EMCN: variants seen among roughly 807,000 people sequenced by gnomAD.
EMCN encodes endomucin.
Under a neutral mutation model 38.4 loss-of-function variants are expected in EMCN, and 37 were observed. The observed-to-expected ratio is 0.96, with a 90% CI of 0.74 to 1.27. EMCN has a LOEUF of 1.27. EMCN is among the 50% of genes most tolerant of loss of function. The pLI, the probability that EMCN is intolerant of heterozygous loss-of-function variation, is 0.00. For synonymous variants in EMCN, 95 were observed against 100.8 expected, an observed-to-expected ratio of 0.94 and a Z score of 0.35; for missense variants, 318 against 302.8, an observed-to-expected ratio of 1.05 and a Z score of -0.37.
chr4:100,490,340 T>C (rs890897920), intron 1 of EMCN, among the ~76,000 whole-genome samples: 2 of 152,136 alleles, frequency 1.3e-5, no homozygotes, highest in Non-Finnish European at 2.9e-5. Context: ...GGTAAAAACA[T>C]TACCATAAGA....
rs555932279 is a variant in EMCN, at chr4:100,413,565, T to G, written c.751+2333A>C. ...GTGTTTGGGGAGCCACCAAGTTCTG[T>G]TAATGATAGACTTGAATAAAAATTG... On this transcript the variant is annotated intron_variant, in intron 10 of 11. Coordinates refer to ENST00000296420, the MANE Select transcript of EMCN (RefSeq NM_016242.4). Among the ~76,000 whole-genome samples, 13 of 152,274 alleles carry G rather than the reference T, an allele frequency of 8.5e-5. No homozygotes were observed. The East Asian group carries it at 2.3e-3, about 27-fold the overall frequency.
At chr4:100,442,664 T>G (rs1252539885) in intron 5 of EMCN, among the ~76,000 whole-genome samples, 1 of 152,236 alleles carries the variant, frequency 6.6e-6, no homozygotes, top group South Asian at 2.1e-4. Flanking sequence ...TGAAGTTCTC[T>G]AATAAATTTT....
At chr4:100,478,583 A>G (rs928135156) in intron 2 of EMCN, among the ~76,000 whole-genome samples, 1 of 152,170 alleles carries the variant, frequency 6.6e-6, no homozygotes, top group African/African-American at 2.4e-5. Context: ...GGAAATAAAA[A>G]GAAAAATGAA....
chr4:100,476,241 CTTTCCTTCCTTCCTTT>C (rs533068446), intron 2 of EMCN, among the ~76,000 whole-genome samples: 1,474 of 123,144 alleles, frequency 0.012, 8 homozygotes, highest in Middle Eastern at 0.026. Flanking sequence ...TTCCTTCTTT[CTTTCCTTCCTTCCTTT>C]TTTCCTTCCT....
In EMCN at chr4:100,395,737, A is replaced by T. The variant is rs553469657; in HGVS notation, c.*2676T>A. 2 of 152,302 alleles carry T rather than the reference A, an allele frequency of 1.3e-5. No individual in the cohort carries two copies. Among genetic ancestry groups the T allele is most frequent in the East Asian group, 3.9e-4 (2 of 5,172 alleles). The allele number at this position is 152,302 out of a possible 1,614,324, so 9.4% of individuals were successfully genotyped here. Reference sequence around the variant, plus strand: ...AAATATGGTAGGTAGAAAAGAAATAACACACAGATTTGTCAACCATATGTA... The same window carrying T: ...AAATATGGTAGGTAGAAAAGAAATATCACACAGATTTGTCAACCATATGTA... On this transcript the variant is annotated 3_prime_UTR_variant, in exon 12 of 12. Transcript: ENST00000296420.
At chr4:100,445,862 T>C (rs1301916138) in intron 5 of EMCN, among the ~76,000 whole-genome samples, 1 of 152,188 alleles carries the variant, frequency 6.6e-6, no homozygotes, top group Non-Finnish European at 1.5e-5. Flanking sequence ...TTCTAGTGGC[T>C]TATAGGACCA....
chr4:100,403,512 T>C (rs958301397), intron 11 of EMCN, among the ~76,000 whole-genome samples: 6 of 152,176 alleles, frequency 3.9e-5, no homozygotes, highest in African/African-American at 1.2e-4. Flanking sequence ...GTCTCTCTTA[T>C]TGTAAATAGT....
At chr4:100,404,241 G>C (rs552475261) in intron 11 of EMCN, among the ~76,000 whole-genome samples, 2 of 152,142 alleles carry the variant, frequency 1.3e-5, no homozygotes, top group South Asian at 4.1e-4. Flanking sequence ...TATGATAAAA[G>C]GTAAGGATCC....
At chr4:100,421,254 G>GAAAAC (rs757284385) in intron 8 of EMCN, 28 bp downstream of exon 8, 19 of 1,586,618 alleles carry the variant, frequency 1.2e-5, no homozygotes, top group South Asian at 1.0e-4. Context: ...CTTCTTTCAG[G>GAAAAC]AAAACAAAAC....
intron 5 of EMCN, among the ~76,000 whole-genome samples, chr4:100,431,225 A>C (rs750520819): frequency 6.6e-6 from 1 of 152,180 alleles, no homozygotes; most frequent in Non-Finnish European, 1.5e-5. Context: ...ACAGTTAAGG[A>C]AAGTAAAAAA....
chr4:100,415,924 G>A lies in EMCN; in HGVS notation c.725C>T (p.Thr242Ile). 6.3e-7 allele frequency: 1 copy of A among 1,588,482 alleles called. No individual in the cohort carries two copies. Among genetic ancestry groups the A allele is most frequent in the Non-Finnish European group, 8.5e-7 (1 of 1,170,234 alleles). Residue 242 changes from threonine (T) to isoleucine (I), a missense_variant, in exon 10 of 12, where the codon ACC becomes ATC. Coordinates refer to ENST00000296420, the MANE Select transcript of EMCN (RefSeq NM_016242.4). ...QSDKESVKLLTVKTISHESGE... is the reference protein window; with the variant it reads ...QSDKESVKLLIVKTISHESGE... ...AGACTCATGAGAAATTGTCTTAACG[G>A]TAAGAAGCTTCACGCTCTCTTTATC...
intron 11 of EMCN, among the ~76,000 whole-genome samples, chr4:100,406,888 T>A (rs1304821563): frequency 6.6e-6 from 1 of 152,186 alleles, no homozygotes; most frequent in Admixed American, 6.6e-5. Flanking sequence ...TAAAAGAATT[T>A]GTTTTATAAA....
chr4:100,427,110 T>C (rs990862908), intron 5 of EMCN, among the ~76,000 whole-genome samples: 37 of 152,096 alleles, frequency 2.4e-4, no homozygotes, highest in African/African-American at 8.0e-4. Context: ...TCATGTCCCA[T>C]TTAAAAAAAT....
chr4:100,467,859 A>G (rs2110266299), intron 3 of EMCN, among the ~76,000 whole-genome samples: 1 of 152,204 alleles, frequency 6.6e-6, no homozygotes, highest in East Asian at 1.9e-4. Flanking sequence ...AAATCTAAAT[A>G]CTTTCTACTT....
chr4:100,510,106 G>C (rs78335625), intron 1 of EMCN, among the ~76,000 whole-genome samples: 2,769 of 152,198 alleles, frequency 0.018, 74 homozygotes, highest in African/African-American at 0.063. Context: ...CATTAATACC[G>C]TGTTTCCTTC....
chr4:100,458,666 A>C (rs1278494389), intron 4 of EMCN, among the ~76,000 whole-genome samples: 1 of 152,174 alleles, frequency 6.6e-6, no homozygotes, highest in African/African-American at 2.4e-5. Context: ...AGAAGGCCTA[A>C]AACTAACAAA....
rs553152011 is a variant in EMCN, at chr4:100,501,999, T to A, written c.64+15852A>T. Among the ~76,000 whole-genome samples the A allele has an allele frequency of 2.0e-5, 3 of 152,166 alleles. No individual in the cohort carries two copies. The South Asian group carries it at 6.2e-4, about 32-fold the overall frequency. ...AGCACACAAGGAGTGGGGTTAAAAG[T>A]AGAAAATTTAATAGGCGAAAGAAAG... On this transcript the variant is annotated intron_variant, in intron 1 of 11. Coordinates refer to ENST00000296420, the MANE Select transcript of EMCN (RefSeq NM_016242.4).
At chr4:100,415,851 T>A in intron 10 of EMCN, 47 bp downstream of exon 10, 1 of 1,322,632 alleles carries the variant, frequency 7.6e-7, no homozygotes, top group Non-Finnish European at 1.1e-6. Context: ...TATAGTTAGA[T>A]TCTAAAATAA....
chr4:100,424,839 C>A (rs978015827), intron 5 of EMCN, among the ~76,000 whole-genome samples: 1 of 151,858 alleles, frequency 6.6e-6, no homozygotes, highest in African/African-American at 2.4e-5. Flanking sequence ...ATTAAATAAC[C>A]AATGATGTTA....
Sources: gnomAD v4.1 joint callset for allele counts (sites outside exome capture counted in the v4.1 genomes callset) on GRCh38, gnomAD v4.1.1 for gene constraint, MANE v1.5 for transcripts, NCBI Gene and HGNC (gene_info 2026-07-23, HGNC 2026-07-21) for gene names.